NTRK3: variants seen among roughly 807,000 people sequenced by gnomAD.
NTRK3 encodes NT-3 growth factor receptor.
Under a neutral mutation model 91.7 loss-of-function variants are expected in NTRK3, and 24 were observed. The observed-to-expected ratio is 0.26, with a 90% CI of 0.19 to 0.37. The LOEUF is 0.37. NTRK3 is among the 10% of genes least tolerant of loss of function. The pLI is 1.00. For synonymous variants in NTRK3, 483 were observed against 404.0 expected, an observed-to-expected ratio of 1.20 and a Z score of -2.34; for missense variants, 880 against 1,068.9, an observed-to-expected ratio of 0.82 and a Z score of 2.46.
chr15:88,134,284 A>C (rs2041664506), intron 10 of NTRK3, among the ~76,000 whole-genome samples: 1 of 152,214 alleles, frequency 6.6e-6, no homozygotes, highest in African/African-American at 2.4e-5. Flanking sequence ...AATCACTTTC[A>C]CTAAACTCTT....
chr15:88,181,476 C>T (rs76775916), intron 5 of NTRK3, among the ~76,000 whole-genome samples: 1,546 of 152,268 alleles, frequency 0.01, 19 homozygotes, highest in Non-Finnish European at 0.016. Flanking sequence ...GAGCCTGGGT[C>T]CTGAAGCCTC....
intron 13 of NTRK3, among the ~76,000 whole-genome samples, chr15:88,084,991 A>C (rs970726338): frequency 2.0e-5 from 3 of 152,224 alleles, no homozygotes; most frequent in Non-Finnish European, 4.4e-5. Flanking sequence ...GACTGATTTG[A>C]CTGGTCCCTC....
At chr15:88,160,189 G>A (rs1265175998) in intron 5 of NTRK3, among the ~76,000 whole-genome samples, 2 of 152,146 alleles carry the variant, frequency 1.3e-5, no homozygotes, top group African/African-American at 4.8e-5. Context: ...CCAGAGGAAG[G>A]AGGGGCGCCC....
intron 3 of NTRK3, among the ~76,000 whole-genome samples, chr15:88,221,341 G>C (rs776738825): frequency 6.6e-6 from 1 of 152,012 alleles, no homozygotes; most frequent in Non-Finnish European, 1.5e-5. Flanking sequence ...TTTCACCTTA[G>C]GTATTTGCTG....
intron 3 of NTRK3, among the ~76,000 whole-genome samples, chr15:88,184,887 G>A (rs904248893): frequency 6.6e-6 from 1 of 152,232 alleles, no homozygotes; most frequent in Non-Finnish European, 1.5e-5. Flanking sequence ...GCTTGATTTG[G>A]TGGAGCTGAC....
intron 13 of NTRK3, among the ~76,000 whole-genome samples, chr15:88,074,703 C>G (rs2150572400): frequency 6.6e-6 from 1 of 152,296 alleles, no homozygotes; most frequent in African/African-American, 2.4e-5. Flanking sequence ...AAGAAAATCT[C>G]TCTTTTCCTG....
intron 13 of NTRK3, among the ~76,000 whole-genome samples, chr15:88,047,755 CA>C (rs1308769679): frequency 6.6e-6 from 1 of 152,180 alleles, no homozygotes; most frequent in African/African-American, 2.4e-5. Context: ...CTGCCCTGGA[CA>C]GTCTGTTTAT....
chr15:88,092,798 G>A (rs113141541), intron 13 of NTRK3, among the ~76,000 whole-genome samples: 134 of 152,220 alleles, frequency 8.8e-4, no homozygotes, highest in African/African-American at 3.1e-3. Context: ...AATCTTCAAG[G>A]CCAGCACCTT....
At chr15:88,196,410 G>A (rs1336472134) in intron 3 of NTRK3, among the ~76,000 whole-genome samples, 3 of 152,294 alleles carry the variant, frequency 2.0e-5, no homozygotes, top group Non-Finnish European at 2.9e-5. Context: ...GGAAGGGTGG[G>A]CTGGGATGGG....
chr15:88,188,347 A>G (rs1485251721), intron 3 of NTRK3, among the ~76,000 whole-genome samples: 1 of 152,228 alleles, frequency 6.6e-6, no homozygotes, highest in Non-Finnish European at 1.5e-5. Context: ...CCCAGCAGAC[A>G]TTTGACAATA....
At chr15:87,866,831 G>C (rs2064695167) in exon 19 of NTRK3, 1 of 202,942 alleles carries the variant, frequency 4.9e-6, no homozygotes, top group Non-Finnish European at 1.0e-5. Flanking sequence ...TCAAGATTTG[G>C]ATGCTGCTGC....
In NTRK3 at chr15:88,191,472, T is replaced by C. The variant is rs2047387371; in HGVS notation, c.249-7173A>G. On this transcript the variant is annotated intron_variant, in intron 3 of 18. Coordinates refer to ENST00000394480, the Ensembl canonical transcript of NTRK3. Reference sequence around the variant, plus strand: ...GGATGTTTTTTATATGTGAGTACTCTACTCCTCCAACACAAAATTCAAAAG... The same window carrying C: ...GGATGTTTTTTATATGTGAGTACTCCACTCCTCCAACACAAAATTCAAAAG... Among the ~76,000 whole-genome samples, 3 of 152,282 alleles carry C rather than the reference T, an allele frequency of 2.0e-5. No individual in the cohort carries two copies. In the South Asian group the frequency reaches 6.2e-4, roughly 32 times the overall value.
intron 13 of NTRK3, among the ~76,000 whole-genome samples, chr15:88,072,057 G>A (rs1341869241): frequency 6.7e-6 from 1 of 149,494 alleles, no homozygotes; most frequent in Non-Finnish European, 1.5e-5. Context: ...CCTGACTGGA[G>A]TGCAGTGGTG....
chr15:88,068,943 G>T (rs2142654847), intron 13 of NTRK3, among the ~76,000 whole-genome samples: 1 of 152,290 alleles, frequency 6.6e-6, no homozygotes, highest in Admixed American at 6.5e-5. Context: ...AGAGCAGGAA[G>T]AAGGAAGAAA....
chr15:88,019,691 C>G (rs1241730779), intron 14 of NTRK3, among the ~76,000 whole-genome samples: 1 of 152,196 alleles, frequency 6.6e-6, no homozygotes, highest in East Asian at 1.9e-4. Context: ...TCTGCTGCAA[C>G]CATTTTGTAG....
chr15:87,894,683 C>A (rs1417479647), intron 17 of NTRK3, among the ~76,000 whole-genome samples: 1 of 152,174 alleles, frequency 6.6e-6, no homozygotes, highest in Non-Finnish European at 1.5e-5. Flanking sequence ...CTGGAATGAA[C>A]CTTTCTCACT....
chr15:87,914,873 C>A (rs1252677993), intron 17 of NTRK3, among the ~76,000 whole-genome samples: 1 of 152,192 alleles, frequency 6.6e-6, no homozygotes, highest in African/African-American at 2.4e-5. Context: ...GGAGTACAGA[C>A]CACCACCTAC....
rs142609804 is a variant in NTRK3 at position 88,255,577 on chromosome 15, C to CA, written c.248+328dup. 0.081 allele frequency among the ~76,000 whole-genome samples: 12,215 copies of CA among 149,972 alleles called. 633 individuals are homozygous for CA. The highest frequency in any genetic ancestry group is 0.14 in the East Asian group (689 of 5,068). Reference sequence around the variant, plus strand: ...CAAACTGTTGCTATTTAGTGGGGAGCAAAAAAAAACAATTTGCACCATCGA... The same window carrying CA: ...CAAACTGTTGCTATTTAGTGGGGAGCAAAAAAAAAACAATTTGCACCATCGA... On this transcript the variant is annotated intron_variant, in intron 3 of 18. Coordinates refer to ENST00000394480, the Ensembl canonical transcript of NTRK3. This position sits in a 1 kb window ranked among gnomAD's most constrained non-coding sequence, Gnocchi z 4.3.
At chr15:87,893,486 C>T (rs1365947104) in intron 17 of NTRK3, among the ~76,000 whole-genome samples, 2 of 152,224 alleles carry the variant, frequency 1.3e-5, no homozygotes, top group African/African-American at 2.4e-5. Flanking sequence ...CCTCCCAACT[C>T]ACCCAACCAC....
Sources: gnomAD v4.1 joint callset for allele counts (sites outside exome capture counted in the v4.1 genomes callset) on GRCh38, gnomAD v4.1.1 for gene constraint, Gnocchi (gnomAD v3.1) non-coding constraint, MANE v1.5 for transcripts, NCBI Gene and HGNC (gene_info 2026-07-23, HGNC 2026-07-21) for gene names.